The following MIB1 variants were observed in gnomAD, a reference collection of about 807,000 sequenced individuals.
The protein encoded by MIB1 is MIB E3 ubiquitin protein ligase 1.
Under a neutral mutation model 124.5 loss-of-function variants are expected in MIB1, and 278 were observed. That is an observed-to-expected ratio of 2.23 (90% CI 2.02 to 2.47). MIB1 has a LOEUF of 2.47. MIB1 is among the 30% of genes most tolerant of loss of function. MIB1 has a pLI of 0.00. For synonymous variants in MIB1, 446 were observed against 429.4 expected, an observed-to-expected ratio of 1.04 and a Z score of -0.48; for missense variants, 957 against 1,254.4, an observed-to-expected ratio of 0.76 and a Z score of 3.58.
chr18:21,801,719 T>G (rs2041652369), intron 9 of MIB1, among the ~76,000 whole-genome samples: 1 of 152,164 alleles, frequency 6.6e-6, no homozygotes, highest in African/African-American at 2.4e-5. Flanking sequence ...TAAATTCCCC[T>G]TTAACTGTAA....
rs1443765226 is a variant in MIB1 at position 21,843,220 on chromosome 18, A to G, written c.2049+3A>G. On this transcript the variant is annotated splice_donor_region_variant and intron_variant, in intron 14 of 20. Transcript: ENST00000261537. ...GACAGCATACCCAGATTGTTAGGGT[A>G]AAGTATTGACATACATTTTAGCTTA... 1.3e-6 allele frequency: 2 copies of G among 1,571,778 alleles called. No individual in the cohort carries two copies. The highest frequency in any genetic ancestry group is 1.7e-6 in the Non-Finnish European group (2 of 1,162,826).
intron 12 of MIB1, among the ~76,000 whole-genome samples, chr18:21,825,206 C>T (rs540433405): frequency 1.6e-4 from 25 of 152,096 alleles, no homozygotes; most frequent in African/African-American, 5.3e-4. Context: ...AGGTAAATAG[C>T]GGTAAAATTA....
At chr18:21,709,912 T>C (rs1487795417) in intron 1 of MIB1, among the ~76,000 whole-genome samples, 2 of 152,180 alleles carry the variant, frequency 1.3e-5, no homozygotes, top group Non-Finnish European at 2.9e-5. Flanking sequence ...TAGAAGCAAA[T>C]ATCAAGTGAA....
intron 1 of MIB1, among the ~76,000 whole-genome samples, chr18:21,713,612 CAAAAAAAAA>C (rs57282241): frequency 7.2e-4 from 32 of 44,204 alleles, no homozygotes; most frequent in African/African-American, 2.3e-3. Context: ...GATTCTGTCT[CAAAAAAAAA>C]AAAAAAAAAA....
chr18:21,864,573 TTGTGG>T lies in MIB1; in HGVS notation c.2930_2934del (p.Cys977SerfsTer13). ...ATCGTCTGAAGAATATGATTTTCCT[TTGTGG>T]TCACGGAACCTGTCAACTCTGTGGA... On this transcript the variant is annotated frameshift_variant, in exon 21 of 21. Transcript: ENST00000261537. LOFTEE classifies it high-confidence loss of function. The T allele has an allele frequency of 6.2e-7, 1 of 1,613,654 alleles. No homozygotes were observed. Among genetic ancestry groups the T allele is most frequent in the Non-Finnish European group, 8.5e-7 (1 of 1,179,564 alleles).
intron 1 of MIB1, among the ~76,000 whole-genome samples, chr18:21,743,057 C>T (rs1313728527): frequency 6.6e-6 from 1 of 152,206 alleles, no homozygotes; most frequent in African/African-American, 2.4e-5. Context: ...GCTGGGATTA[C>T]AGGAGTCAGC....
chr18:21,853,332 G>T, intron 18 of MIB1, 114 bp downstream of exon 18: 1 of 698,050 alleles, frequency 1.4e-6, no homozygotes, highest in Non-Finnish European at 2.5e-6. Context: ...TAAAAAAGTT[G>T]ATGGGCCTCG....
chr18:21,722,980 A>G (rs1390569400), intron 1 of MIB1, among the ~76,000 whole-genome samples: 1 of 152,168 alleles, frequency 6.6e-6, no homozygotes, highest in Admixed American at 6.5e-5. Flanking sequence ...AGACGGAGGT[A>G]GCAGAAATTA....
At chr18:21,761,407 A>G (rs2041096356) in intron 1 of MIB1, among the ~76,000 whole-genome samples, 1 of 152,222 alleles carries the variant, frequency 6.6e-6, no homozygotes, top group African/African-American at 2.4e-5. Flanking sequence ...TCACACTTTA[A>G]TACTGAAATA....
chr18:21,749,830 C>A (rs1417306986), intron 1 of MIB1, among the ~76,000 whole-genome samples: 1 of 151,712 alleles, frequency 6.6e-6, no homozygotes, highest in Non-Finnish European at 1.5e-5. Context: ...TCAGTAGAGA[C>A]CGTGTTTCCC....
At chr18:21,707,749 G>A (rs577112783) in intron 1 of MIB1, among the ~76,000 whole-genome samples, 5 of 152,300 alleles carry the variant, frequency 3.3e-5, no homozygotes, top group African/African-American at 7.2e-5. Context: ...CTGGACACAC[G>A]GGGATTACAG....
chr18:21,796,950 AAAT>A (rs1205697465), intron 7 of MIB1, among the ~76,000 whole-genome samples: 1 of 152,204 alleles, frequency 6.6e-6, no homozygotes, highest in Non-Finnish European at 1.5e-5. Context: ...TTTTTTCAAC[AAAT>A]AATTTGCAAA....
chr18:21,706,763 G>T (rs1351967900), intron 1 of MIB1, among the ~76,000 whole-genome samples: 1 of 152,158 alleles, frequency 6.6e-6, no homozygotes, highest in Non-Finnish European at 1.5e-5. Context: ...ACGGGGCAGG[G>T]CTCAGGACCT....
upstream of MIB1, among the ~76,000 whole-genome samples, chr18:21,736,370 T>G (rs2040797049): frequency 6.6e-6 from 1 of 151,972 alleles, no homozygotes; most frequent in South Asian, 2.1e-4. Context: ...GTCACCAACA[T>G]CAAAGACGAA....
At chr18:21,864,065 AC>A (rs1342546911) in intron 20 of MIB1, among the ~76,000 whole-genome samples, 1 of 152,214 alleles carries the variant, frequency 6.6e-6, no homozygotes, top group East Asian at 1.9e-4. Flanking sequence ...AGAAGTTCTC[AC>A]TTTGGCCTGT....
intron 12 of MIB1, among the ~76,000 whole-genome samples, chr18:21,823,117 C>A (rs1043151261): frequency 6.6e-6 from 1 of 151,704 alleles, no homozygotes; most frequent in Non-Finnish European, 1.5e-5. Context: ...ACCTGTAGTT[C>A]CAGCTACTCG....
chr18:21,725,475 G>C (rs2040737455), intron 1 of MIB1, among the ~76,000 whole-genome samples: 1 of 152,154 alleles, frequency 6.6e-6, no homozygotes, highest in African/African-American at 2.4e-5. Flanking sequence ...CTTACCACTG[G>C]AGCCTGCAGT....
chr18:21,764,323 C>T (rs937208446), intron 1 of MIB1, among the ~76,000 whole-genome samples: 1 of 151,988 alleles, frequency 6.6e-6, no homozygotes, highest in Admixed American at 6.6e-5. Flanking sequence ...TCAAAACAGG[C>T]ATACCACTCA....
Position 21,870,017 on chromosome 18 carries a change from T to G in MIB1, c.*5351T>G, listed in dbSNP as rs1211630734. ...TGTATTTTTTCTAATTCTTTAGCTT[T>G]CAATATTGGATTAAAGTCTTGTTTG... On this transcript the variant is annotated 3_prime_UTR_variant, in exon 21 of 21. Coordinates refer to ENST00000261537, the MANE Select transcript of MIB1 (RefSeq NM_020774.4). 3.9e-5 allele frequency: 6 copies of G among 152,566 alleles called. No homozygotes were observed. The highest frequency in any genetic ancestry group is 1.4e-4 in the African/African-American group (6 of 41,458). 9.5% of individuals were successfully genotyped at this position (152,566 alleles called of 1,614,324 possible).
Sources: gnomAD v4.1 joint callset for allele counts (sites outside exome capture counted in the v4.1 genomes callset) on GRCh38, gnomAD v4.1.1 for gene constraint, MANE v1.5 for transcripts, NCBI Gene and HGNC (gene_info 2026-07-23, HGNC 2026-07-21) for gene names.